RAB28: variants seen among roughly 807,000 people sequenced by gnomAD.
RAB28 encodes the protein ras-related protein Rab-28.
Under a neutral mutation model 31.7 loss-of-function variants are expected in RAB28, and 24 were observed. The observed-to-expected ratio is 0.76, with a 90% CI of 0.55 to 1.06. The LOEUF (loss-of-function observed/expected upper bound fraction) is 1.06, where lower values mean the gene tolerates loss of function less well. RAB28 is among the 50% of genes least tolerant of loss of function. The pLI is 0.00. For synonymous variants in RAB28, 100 were observed against 90.4 expected, an observed-to-expected ratio of 1.11 and a Z score of -0.60; for missense variants, 254 against 258.5, an observed-to-expected ratio of 0.98 and a Z score of 0.12.
chr4:13,414,104 G>A (rs1035677798), intron 4 of RAB28, among the ~76,000 whole-genome samples: 6 of 152,074 alleles, frequency 3.9e-5, no homozygotes, highest in African/African-American at 7.2e-5. Context: ...GACAAGCCAC[G>A]CACGAGTCTC....
intron 4 of RAB28, among the ~76,000 whole-genome samples, chr4:13,420,539 C>T (rs1346911670): frequency 1.3e-5 from 2 of 152,124 alleles, no homozygotes; most frequent in Non-Finnish European, 2.9e-5. Flanking sequence ...TCCAGCAGCA[C>T]ATCAAAAAGC....
chr4:13,368,019 T>A lies in RAB28; in HGVS notation c.*539A>T, dbSNP rs996812629. 2.1e-6 allele frequency: 2 copies of A among 971,532 alleles called. No homozygotes were observed. Among genetic ancestry groups the A allele is most frequent in the Non-Finnish European group, 2.4e-6 (2 of 817,488 alleles). The allele number at this position is 971,532 out of a possible 1,614,324, so 60.2% of individuals were successfully genotyped here. On this transcript the variant is annotated 3_prime_UTR_variant, in exon 7 of 7. Coordinates refer to ENST00000330852, the MANE Select transcript of RAB28 (RefSeq NM_001017979.3). ...TTTAAAAAATGAAAAAATATTTCTATTACAGGCTTATTTCAAGCATTTTCA... is the reference window on the plus strand; with the variant it reads ...TTTAAAAAATGAAAAAATATTTCTAATACAGGCTTATTTCAAGCATTTTCA...
intron 4 of RAB28, among the ~76,000 whole-genome samples, chr4:13,448,553 T>A (rs1714812976): frequency 6.6e-6 from 1 of 151,960 alleles, no homozygotes; most frequent in Admixed American, 6.6e-5. Context: ...AACTATGAAA[T>A]AACAAAATAA....
chr4:13,451,397 GTTTT>G (rs79148759), intron 4 of RAB28, among the ~76,000 whole-genome samples: 2 of 135,944 alleles, frequency 1.5e-5, no homozygotes, highest in Non-Finnish European at 3.2e-5. Flanking sequence ...TTTGGGGTGG[GTTTT>G]TTTTTTTTTG....
At chr4:13,414,029 C>T (rs550719535) in intron 4 of RAB28, among the ~76,000 whole-genome samples, 2 of 152,226 alleles carry the variant, frequency 1.3e-5, no homozygotes, top group East Asian at 3.9e-4. Flanking sequence ...TCAGAAGCCC[C>T]GTTCCACAAG....
At chr4:13,370,445 CAG>C (rs1577144170) in intron 6 of RAB28, 5 of 783,734 alleles carry the variant, frequency 6.4e-6, no homozygotes, top group Non-Finnish European at 6.2e-6. Flanking sequence ...GCGACTTACA[CAG>C]AATCTATTCA....
At chr4:13,442,094 T>G (rs11730438) in intron 4 of RAB28, among the ~76,000 whole-genome samples, 2 of 152,312 alleles carry the variant, frequency 1.3e-5, no homozygotes, top group Admixed American at 6.5e-5. Context: ...TAATCTCAAA[T>G]AGTCAATCCT....
chr4:13,376,836 T>C (rs1728942607), intron 5 of RAB28, among the ~76,000 whole-genome samples: 1 of 152,126 alleles, frequency 6.6e-6, no homozygotes, highest in African/African-American at 2.4e-5. Flanking sequence ...TCCATGCAAT[T>C]CAATGAATTG....
intron 4 of RAB28, among the ~76,000 whole-genome samples, chr4:13,435,152 A>C (rs1326279295): frequency 2.7e-5 from 4 of 148,086 alleles, no homozygotes; most frequent in South Asian, 4.2e-4. Flanking sequence ...AAATTAAGGC[A>C]AAAAAAAAAT....
At chr4:13,413,684 AAAG>A (rs1712577758) in intron 4 of RAB28, among the ~76,000 whole-genome samples, 1 of 152,214 alleles carries the variant, frequency 6.6e-6, no homozygotes, top group South Asian at 2.1e-4. Context: ...ATAAATAAGA[AAAG>A]AAGAGATAGT....
At chr4:13,435,574 T>TC (rs1200516428) in intron 4 of RAB28, among the ~76,000 whole-genome samples, 1 of 151,844 alleles carries the variant, frequency 6.6e-6, no homozygotes, top group Non-Finnish European at 1.5e-5. Context: ...CTACAAAAGA[T>TC]CCCCAAAGAC....
At chr4:13,447,518 C>T (rs569924764) in intron 4 of RAB28, among the ~76,000 whole-genome samples, 2 of 152,118 alleles carry the variant, frequency 1.3e-5, no homozygotes, top group South Asian at 4.1e-4. Context: ...GATTTACTTA[C>T]ACTGCAAAAC....
At chr4:13,451,813 C>A (rs1416823534) in intron 4 of RAB28, among the ~76,000 whole-genome samples, 11 of 151,820 alleles carry the variant, frequency 7.2e-5, no homozygotes, top group Non-Finnish European at 3.0e-5. Flanking sequence ...ATATGGATAT[C>A]CAATTTTCCC....
intron 4 of RAB28, among the ~76,000 whole-genome samples, chr4:13,435,319 T>C (rs780836385): frequency 1.1e-4 from 16 of 150,800 alleles, no homozygotes; most frequent in Non-Finnish European, 1.6e-4. Flanking sequence ...CTAAAGGAAC[T>C]AGAGAAACAA....
chr4:13,410,275 C>T (rs1014614679), intron 4 of RAB28, among the ~76,000 whole-genome samples: 6 of 151,994 alleles, frequency 3.9e-5, no homozygotes, highest in African/African-American at 1.2e-4. Context: ...CTGATAAACA[C>T]GTATAAAGGA....
intron 4 of RAB28, among the ~76,000 whole-genome samples, chr4:13,424,631 A>G (rs1282368805): frequency 1.3e-5 from 2 of 152,222 alleles, no homozygotes; most frequent in Non-Finnish European, 2.9e-5. Flanking sequence ...TTCCTATTTC[A>G]CTGAGAAACT....
At chr4:13,419,342 G>C (rs958846759) in intron 4 of RAB28, among the ~76,000 whole-genome samples, 1 of 152,112 alleles carries the variant, frequency 6.6e-6, no homozygotes, top group Non-Finnish European at 1.5e-5. Flanking sequence ...ACAGATCAAC[G>C]AGACAGAAGG....
intron 6 of RAB28, chr4:13,371,694 C>T: frequency 2.6e-6 from 4 of 1,509,712 alleles, no homozygotes; most frequent in Non-Finnish European, 3.5e-6. Flanking sequence ...AACATAATTT[C>T]CATGTCATAA....
chr4:13,473,733 CA>C (rs1716220856), intron 3 of RAB28: 2 of 284,342 alleles, frequency 7.0e-6, no homozygotes, highest in Admixed American at 1.0e-4. Flanking sequence ...TTATTCAGGT[CA>C]TTTTTCATTT....
Sources: gnomAD v4.1 joint callset for allele counts (sites outside exome capture counted in the v4.1 genomes callset) on GRCh38, gnomAD v4.1.1 for gene constraint, MANE v1.5 for transcripts, NCBI Gene and HGNC (gene_info 2026-07-23, HGNC 2026-07-21) for gene names.